SLC39A9: variants seen among roughly 807,000 people sequenced by gnomAD.
The protein encoded by SLC39A9 is zinc transporter ZIP9.
Under a neutral mutation model 28.4 loss-of-function variants are expected in SLC39A9, and 14 were observed. The observed-to-expected ratio is 0.49, with a 90% confidence interval of 0.33 to 0.77. The LOEUF is 0.77. Ranked by LOEUF, SLC39A9 falls within the 30% of genes least tolerant of loss-of-function variation. The pLI, the probability that SLC39A9 is intolerant of heterozygous loss-of-function variation, is 0.02. For synonymous variants in SLC39A9, 119 were observed against 149.6 expected, an observed-to-expected ratio of 0.80 and a Z score of 1.49; for missense variants, 283 against 381.1, an observed-to-expected ratio of 0.74 and a Z score of 2.14.
rs11342292 is a variant in SLC39A9 at position 69,423,896 on chromosome 14, C to CA, written c.97-179dup. On this transcript the variant is annotated intron_variant, in intron 1 of 6. Coordinates refer to ENST00000336643, the MANE Select transcript of SLC39A9 (RefSeq NM_018375.5). ...TGAGCGACAGAGCAAGATTCTGTCTCAAAAAAAAAAAAAAAAAAATTCATC... is the reference window on the plus strand; with the variant it reads ...TGAGCGACAGAGCAAGATTCTGTCTCAAAAAAAAAAAAAAAAAAAATTCATC... 1.5e-3 allele frequency among the ~76,000 whole-genome samples: 185 copies of CA among 120,338 alleles called. 1 individual carries two copies. The highest frequency in any genetic ancestry group is 3.4e-3 in the East Asian group (12 of 3,540). 78.9% of individuals were successfully genotyped at this position (120,338 alleles called of 152,430 possible).
intron 2 of SLC39A9, among the ~76,000 whole-genome samples, chr14:69,427,912 A>G (rs547402926): frequency 1.8e-4 from 27 of 152,376 alleles, no homozygotes; most frequent in African/African-American, 6.5e-4. Flanking sequence ...TTCTGCTAAG[A>G]TAGAAACAAG....
intron 1 of SLC39A9, among the ~76,000 whole-genome samples, chr14:69,411,455 A>G (rs186205048): frequency 2.0e-5 from 3 of 152,300 alleles, no homozygotes; most frequent in Non-Finnish European, 4.4e-5. Context: ...AACTTCTAAA[A>G]TGAGATAACA....
At chr14:69,444,157 G>A (rs1237548549) in intron 3 of SLC39A9, among the ~76,000 whole-genome samples, 1 of 152,060 alleles carries the variant, frequency 6.6e-6, no homozygotes, top group African/African-American at 2.4e-5. Context: ...CTGCACTCCA[G>A]TTCAGCCTGA....
intron 1 of SLC39A9, among the ~76,000 whole-genome samples, chr14:69,415,450 T>C (rs1883517080): frequency 6.6e-6 from 1 of 152,248 alleles, no homozygotes. Context: ...TGCAGTGTTT[T>C]ACCCATTTTT....
At chr14:69,445,436 GCTTA>G (rs1431505282) in intron 3 of SLC39A9, among the ~76,000 whole-genome samples, 2 of 152,000 alleles carry the variant, frequency 1.3e-5, no homozygotes, top group Admixed American at 6.6e-5. Context: ...CTTTTACCTA[GCTTA>G]CTTTTTTGTA....
At chr14:69,430,524 G>A (rs949918793) in intron 2 of SLC39A9, among the ~76,000 whole-genome samples, 5 of 151,996 alleles carry the variant, frequency 3.3e-5, no homozygotes, top group Admixed American at 2.6e-4. Context: ...CTGTTTTATT[G>A]ATCTGTATGT....
chr14:69,407,755 C>T (rs1035076706), intron 1 of SLC39A9, among the ~76,000 whole-genome samples: 2 of 151,958 alleles, frequency 1.3e-5, no homozygotes, highest in Non-Finnish European at 2.9e-5. Context: ...TTTCCTGCCT[C>T]AGCCTCCCAA....
intron 2 of SLC39A9, among the ~76,000 whole-genome samples, chr14:69,428,217 C>T (rs1884299423): frequency 6.7e-6 from 1 of 150,232 alleles, no homozygotes; most frequent in Non-Finnish European, 1.5e-5. Context: ...GCGGAGGTTG[C>T]AGTGAGCCGA....
chr14:69,444,955 G>A (rs1316430552), intron 3 of SLC39A9, among the ~76,000 whole-genome samples: 2 of 151,574 alleles, frequency 1.3e-5, no homozygotes, highest in African/African-American at 2.4e-5. Flanking sequence ...GAGACAATGC[G>A]AAACCCTGTC....
chr14:69,425,894 G>A (rs1039730967), intron 2 of SLC39A9, among the ~76,000 whole-genome samples: 4 of 152,022 alleles, frequency 2.6e-5, no homozygotes, highest in Non-Finnish European at 5.9e-5. Flanking sequence ...CCAATTCCGG[G>A]ACTCAAGCGA....
intron 2 of SLC39A9, among the ~76,000 whole-genome samples, chr14:69,434,932 C>G (rs758493672): frequency 3.9e-4 from 59 of 152,204 alleles, no homozygotes; most frequent in Middle Eastern, 6.8e-3. Flanking sequence ...TCTAGTTTAA[C>G]TTTATTATGG....
Position 69,453,248 on chromosome 14 carries a change from A to G in SLC39A9, c.411A>G (p.Glu137=). The change falls in exon 4 of 7, where the codon GAA becomes GAG. Residue 137 remains glutamate, a synonymous_variant. Coordinates refer to ENST00000336643, the MANE Select transcript of SLC39A9 (RefSeq NM_018375.5). ...NSHVHSTDDP[E]AARSSNSKIT... ...TTCTCATTTTCACTTTAGATCCAGA[A>G]GCAGCAAGGTCTAGCAATTCCAAAA... 1 of 1,613,822 alleles carries G rather than the reference A, an allele frequency of 6.2e-7. No homozygotes were observed.
rs192009518 is a variant in SLC39A9 at position 69,430,997 on chromosome 14, C to G, written c.205+6795C>G. ...CTTTCCATAAACATTTTAAAATCAGCTTGTCAAATATCTATGGAATAAATC... is the reference window on the plus strand; with the variant it reads ...CTTTCCATAAACATTTTAAAATCAGGTTGTCAAATATCTATGGAATAAATC... On this transcript the variant is annotated intron_variant, in intron 2 of 6. Transcript: ENST00000336643. Among the ~76,000 whole-genome samples the G allele has an allele frequency of 3.4e-3, 524 of 152,270 alleles. 3 individuals carry two copies. The highest frequency in any genetic ancestry group is 0.024 in the South Asian group (115 of 4,826).
chr14:69,415,716 C>G (rs192011236), intron 1 of SLC39A9, among the ~76,000 whole-genome samples: 1,663 of 152,182 alleles, frequency 0.011, 38 homozygotes, highest in African/African-American at 0.038. Flanking sequence ...GCTTTAGTTT[C>G]CCCTTTTTCA....
At chr14:69,425,905 T>C (rs1440768861) in intron 2 of SLC39A9, among the ~76,000 whole-genome samples, 1 of 152,068 alleles carries the variant, frequency 6.6e-6, no homozygotes, top group Non-Finnish European at 1.5e-5. Context: ...ACTCAAGCGA[T>C]CCTCCCAAGT....
rs1432939124 is a variant in SLC39A9 at position 69,399,399 on chromosome 14, G to A, written c.30G>A (p.Leu10=). 2.5e-6 allele frequency: 4 copies of A among 1,614,114 alleles called. No homozygotes were observed. Among genetic ancestry groups the A allele is most frequent in the South Asian group, 1.1e-5 (1 of 91,060 alleles). Residue 10 remains leucine, a synonymous_variant, in exon 1 of 7, where the codon CTG becomes CTA. Transcript: ENST00000336643. MDDFISISL[L]SLAMLVGCYV... ...ATGATTTCATCTCCATTAGCCTGCT[G>A]TCTCTGGCTATGTTGGTGGGATGTT...
At chr14:69,406,997 C>T (rs1455105517) in intron 1 of SLC39A9, among the ~76,000 whole-genome samples, 2 of 149,934 alleles carry the variant, frequency 1.3e-5, no homozygotes, top group African/African-American at 2.4e-5. Context: ...ATTACAGGTG[C>T]GTGCCACCAT....
At chr14:69,413,322 CT>C (rs1883382019) in intron 1 of SLC39A9, among the ~76,000 whole-genome samples, 1 of 151,668 alleles carries the variant, frequency 6.6e-6, no homozygotes, top group South Asian at 2.1e-4. Context: ...TGCCACTGCA[CT>C]CCAGCCTGGG....
intron 2 of SLC39A9, among the ~76,000 whole-genome samples, chr14:69,424,582 TATAG>T (rs985663533): frequency 2.3e-4 from 35 of 152,188 alleles, no homozygotes; most frequent in African/African-American, 8.2e-4. Context: ...CAGTAAACTT[TATAG>T]ATAATTGATG....
Sources: gnomAD v4.1 joint callset for allele counts (sites outside exome capture counted in the v4.1 genomes callset) on GRCh38, gnomAD v4.1.1 for gene constraint, MANE v1.5 for transcripts, NCBI Gene and HGNC (gene_info 2026-07-23, HGNC 2026-07-21) for gene names.